Variants in TLK2 observed in about 807,000 individuals in gnomAD.
TLK2 encodes serine/threonine-protein kinase tousled-like 2.
In TLK2, 6 loss-of-function variants were observed where a neutral mutation model predicts 117.3. The ratio of observed to expected loss-of-function variants is 0.05; its 90% CI spans 0.03 to 0.10. TLK2 has a LOEUF of 0.10. Among genes scored for constraint, TLK2 ranks in the 10% least tolerant of loss-of-function variants. The pLI is 1.00. For synonymous variants in TLK2, 257 were observed against 316.7 expected (o/e 0.81, Z 2.00); for missense variants, 299 against 901.2 (o/e 0.33, Z 8.56).
intron 11 of TLK2, among the ~76,000 whole-genome samples, chr17:62,571,289 A>T (rs533512793): frequency 6.6e-6 from 1 of 152,326 alleles, no homozygotes; most frequent in East Asian, 1.9e-4. Context: ...ATATCCTCCC[A>T]TATACTTTAA....
At chr17:62,572,513 G>A (rs1019112266) in intron 11 of TLK2, among the ~76,000 whole-genome samples, 53 of 152,058 alleles carry the variant, frequency 3.5e-4, no homozygotes, top group Admixed American at 3.2e-3. Context: ...TACTCTAATG[G>A]TAATGGTGTT....
At position 62,563,233 on chromosome 17, in the gene TLK2, C is replaced by T. The variant is rs553313155; in HGVS notation, c.832-1768C>T. On this transcript the variant is annotated intron_variant, in intron 10 of 21. Transcript: ENST00000346027. ...TACATGAGGGTGGGCGAATAAGACA[C>T]ATTCACATATATAAGGAAACCTATT... is the stretch of plus-strand genomic sequence containing the variant. Among the ~76,000 whole-genome samples the T allele has an allele frequency of 3.3e-5, 5 of 152,312 alleles. No individual in the cohort carries two copies. The East Asian group carries it at 7.7e-4, about 23-fold the overall frequency.
In TLK2 at chr17:62,541,768, G is replaced by GATTGCACCACAGTAGCTGCAGCTAGAGAT. The variant is rs61519955; in HGVS notation, c.531+5431_531+5432insATTGCACCACAGTAGCTGCAGCTAGAGAT. Among the ~76,000 whole-genome samples, 23 of 151,780 alleles carry GATTGCACCACAGTAGCTGCAGCTAGAGAT rather than the reference G, an allele frequency of 1.5e-4. No homozygotes were observed. The East Asian group carries it at 4.3e-3, about 28-fold the overall frequency. Reference sequence around the variant, plus strand: ...AGTTTCCAGAGTAGCTGCAACTAGAGTGCACCACAGTAGCTGCAGCTAGAG... The same window carrying GATTGCACCACAGTAGCTGCAGCTAGAGAT: ...AGTTTCCAGAGTAGCTGCAACTAGAGATTGCACCACAGTAGCTGCAGCTAGAGATTGCACCACAGTAGCTGCAGCTAGAG... On this transcript the variant is annotated intron_variant, in intron 7 of 21. Coordinates refer to ENST00000346027, the MANE Select transcript of TLK2 (RefSeq NM_006852.6).
chr17:62,521,449 G>T (rs1416604891), intron 3 of TLK2, among the ~76,000 whole-genome samples: 1 of 152,130 alleles, frequency 6.6e-6, no homozygotes, highest in Non-Finnish European at 1.5e-5. Flanking sequence ...CTGTCATGCA[G>T]GTCAGAGTGC....
chr17:62,500,980 T>C (rs1295965548), intron 2 of TLK2, among the ~76,000 whole-genome samples: 2 of 152,234 alleles, frequency 1.3e-5, no homozygotes, highest in Non-Finnish European at 2.9e-5. Flanking sequence ...GACTCACACC[T>C]GTAATCCCAG....
intron 2 of TLK2, among the ~76,000 whole-genome samples, chr17:62,519,398 G>A (rs988204330): frequency 1.3e-5 from 2 of 152,248 alleles, no homozygotes; most frequent in African/African-American, 4.8e-5. Flanking sequence ...TGCTAGTACT[G>A]TACTGTCTTG....
intron 13 of TLK2, among the ~76,000 whole-genome samples, chr17:62,577,891 CA>C (rs1445322098): frequency 5.3e-5 from 8 of 151,888 alleles, no homozygotes; most frequent in African/African-American, 1.9e-4. Flanking sequence ...ACTAAAAATA[CA>C]AAAAATTAGC....
At chr17:62,595,983 C>A (rs1374804446) in intron 16 of TLK2, among the ~76,000 whole-genome samples, 1 of 151,840 alleles carries the variant, frequency 6.6e-6, no homozygotes, top group Non-Finnish European at 1.5e-5. Context: ...CTTGAGTATA[C>A]GTGGAAAAGA....
At chr17:62,585,959 C>G (rs1332877721) in intron 15 of TLK2, 176 bp from the exon 16 acceptor site, 1 of 521,472 alleles carries the variant, frequency 1.9e-6, no homozygotes, top group African/African-American at 1.9e-5. Flanking sequence ...CTGGAGACTT[C>G]TAAATTATCT....
chr17:62,542,748 C>T (rs1193626107), intron 7 of TLK2, among the ~76,000 whole-genome samples: 1 of 152,000 alleles, frequency 6.6e-6, no homozygotes, highest in African/African-American at 2.4e-5. Flanking sequence ...TCTTTTTTTC[C>T]CTTAATGGCA....
At chr17:62,594,461 C>G (rs1183864514) in intron 16 of TLK2, among the ~76,000 whole-genome samples, 2 of 152,070 alleles carry the variant, frequency 1.3e-5, no homozygotes, top group Non-Finnish European at 2.9e-5. Context: ...GTGATAGGTT[C>G]TTGGAAACTA....
rs71155937 is a variant in TLK2 at position 62,545,873 on chromosome 17, TTTTGTTTG to T, written c.532-6410_532-6403del. 1.8e-3 allele frequency among the ~76,000 whole-genome samples: 273 copies of T among 150,432 alleles called. 1 individual carries two copies. Among genetic ancestry groups the T allele is most frequent in the African/African-American group, 6.2e-3 (255 of 40,944 alleles). On this transcript the variant is annotated intron_variant, in intron 7 of 21. Transcript: ENST00000346027. ...TGTGTGCCACCACGCCCGGCTGATT[TTTTGTTTG>T]TTTGTTTGTTTGTTTGTTGAGCAAA...
At chr17:62,512,388 A>G (rs1446303651) in intron 2 of TLK2, among the ~76,000 whole-genome samples, 1 of 151,126 alleles carries the variant, frequency 6.6e-6, no homozygotes, top group African/African-American at 2.4e-5. Context: ...ACGCCTGGCT[A>G]ATTTTGTATT....
At chr17:62,589,533 G>C (rs1441062399) in intron 16 of TLK2, among the ~76,000 whole-genome samples, 1 of 152,182 alleles carries the variant, frequency 6.6e-6, no homozygotes, top group East Asian at 1.9e-4. Flanking sequence ...TGAAGTAAGA[G>C]ATGCGGTTTT....
chr17:62,577,697 A>C (rs373651457), intron 13 of TLK2, among the ~76,000 whole-genome samples: 2 of 152,218 alleles, frequency 1.3e-5, no homozygotes. Context: ...TTTGTTTTTT[A>C]TTTCACATAT....
chr17:62,562,194 T>A (rs1157337280), intron 10 of TLK2, among the ~76,000 whole-genome samples: 3 of 152,116 alleles, frequency 2.0e-5, no homozygotes, highest in African/African-American at 7.2e-5. Context: ...ACCCCATCTC[T>A]ACTAAAAATA....
At chr17:62,488,806 C>T (rs375820306) in intron 2 of TLK2, among the ~76,000 whole-genome samples, 23 of 148,642 alleles carry the variant, frequency 1.5e-4, no homozygotes, top group African/African-American at 5.2e-4. Flanking sequence ...TTGGTCAGTA[C>T]GAGGGCCTTG....
chr17:62,507,433 T>G (rs1394640594), intron 2 of TLK2: 1 of 152,196 alleles, frequency 6.6e-6, no homozygotes, highest in Admixed American at 6.5e-5. Flanking sequence ...ATTTTGACTC[T>G]GGTATGGTAT....
intron 15 of TLK2, among the ~76,000 whole-genome samples, chr17:62,583,760 G>C (rs1485205974): frequency 6.6e-6 from 1 of 151,608 alleles, no homozygotes; most frequent in East Asian, 2.0e-4. Context: ...GTATTTTTTG[G>C]TAGAGACGGG....
Sources: gnomAD v4.1 joint callset for allele counts (sites outside exome capture counted in the v4.1 genomes callset) on GRCh38, gnomAD v4.1.1 for gene constraint, MANE v1.5 for transcripts, NCBI Gene and HGNC (gene_info 2026-07-23, HGNC 2026-07-21) for gene names.